Variants in ULK4 observed in about 807,000 individuals in gnomAD.
The protein encoded by ULK4 is unc-51 like kinase 4.
ULK4 carries 133 observed loss-of-function variants against 160.6 expected under a neutral mutation model. The observed-to-expected ratio is 0.83, with a 90% CI of 0.72 to 0.96. The LOEUF (loss-of-function observed/expected upper bound fraction) is 0.96. ULK4 is among the 40% of genes least tolerant of loss of function. ULK4 has a pLI of 0.00. For missense variants in ULK4, 1,580 were observed against 1,499.5 expected (o/e 1.05, Z -0.89); for synonymous variants, 534 against 539.8 (o/e 0.99, Z 0.15).
At chr3:41,443,529 C>A (rs2083220647) in intron 34 of ULK4, among the ~76,000 whole-genome samples, 1 of 152,132 alleles carries the variant, frequency 6.6e-6, no homozygotes, top group Non-Finnish European at 1.5e-5. Context: ...ATAGTGATTT[C>A]TTGACTGAAG....
intron 35 of ULK4, among the ~76,000 whole-genome samples, chr3:41,334,083 G>A (rs6790489): frequency 0.079 from 12,057 of 151,962 alleles, 1,227 homozygotes; most frequent in African/African-American, 0.23. Flanking sequence ...CACACACACC[G>A]GCAAAACTGA....
intron 35 of ULK4, among the ~76,000 whole-genome samples, chr3:41,255,045 TAA>T (rs67668708): frequency 0.15 from 22,892 of 151,212 alleles, 3,006 homozygotes; most frequent in African/African-American, 0.35. Context: ...ATGCTCCAAG[TAA>T]AAGATTTCAA....
chr3:41,919,852 G>C, intron 5 of ULK4, 34 bp from the exon 6 acceptor site: 1 of 1,504,062 alleles, frequency 6.6e-7, no homozygotes, highest in Non-Finnish European at 9.2e-7. Flanking sequence ...GCTCGGTTAG[G>C]CATTTGTATT....
intron 30 of ULK4, among the ~76,000 whole-genome samples, chr3:41,652,914 T>C (rs750877359): frequency 2.6e-5 from 4 of 152,218 alleles, no homozygotes; most frequent in Non-Finnish European, 5.9e-5. Flanking sequence ...TCACATTGAT[T>C]GTGGGGCTTA....
At chr3:41,430,708 C>CT (rs1272480844) in intron 34 of ULK4, among the ~76,000 whole-genome samples, 3 of 152,122 alleles carry the variant, frequency 2.0e-5, no homozygotes, top group South Asian at 4.1e-4. Context: ...CTCTGGGAGC[C>CT]ATAGGCAGGA....
chr3:41,380,813 TGG>T (rs1423436488), intron 35 of ULK4, among the ~76,000 whole-genome samples: 6 of 152,186 alleles, frequency 3.9e-5, no homozygotes, highest in Non-Finnish European at 8.8e-5. Context: ...CTGTGCCCTT[TGG>T]ACAGAGTCAC....
At chr3:41,381,047 T>G (rs2081639486) in intron 35 of ULK4, among the ~76,000 whole-genome samples, 1 of 152,118 alleles carries the variant, frequency 6.6e-6, no homozygotes, top group Non-Finnish European at 1.5e-5. Flanking sequence ...GCTTTAAATC[T>G]TATGTCACCA....
chr3:41,810,617 C>A (rs2125619580), intron 19 of ULK4, among the ~76,000 whole-genome samples: 1 of 152,254 alleles, frequency 6.6e-6, no homozygotes, highest in South Asian at 2.1e-4. Flanking sequence ...GAGTTCAAGA[C>A]AAGCCCGGGC....
chr3:41,863,365 G>A (rs918328812), intron 17 of ULK4, among the ~76,000 whole-genome samples: 1 of 152,186 alleles, frequency 6.6e-6, no homozygotes, highest in African/African-American at 2.4e-5. Context: ...CTCTGGCCCA[G>A]GAGGTCCAGA....
At chr3:41,749,870 G>C (rs1305378468) in intron 22 of ULK4, among the ~76,000 whole-genome samples, 1 of 152,126 alleles carries the variant, frequency 6.6e-6, no homozygotes, top group African/African-American at 2.4e-5. Flanking sequence ...TGCTTCTCAA[G>C]GCATGAGAAG....
At chr3:41,453,292 C>CA (rs2083464279) in intron 34 of ULK4, among the ~76,000 whole-genome samples, 1 of 152,182 alleles carries the variant, frequency 6.6e-6, no homozygotes, top group African/African-American at 2.4e-5. Flanking sequence ...CCTCAAGCCT[C>CA]AGCCTCCCAA....
chr3:41,592,390 G>A (rs1207050466), intron 31 of ULK4, among the ~76,000 whole-genome samples: 1 of 152,140 alleles, frequency 6.6e-6, no homozygotes, highest in South Asian at 2.1e-4. Flanking sequence ...GGCTGCCTAA[G>A]GTACTGGGAA....
chr3:41,780,776 A>C (rs2039813935), intron 21 of ULK4, among the ~76,000 whole-genome samples: 1 of 152,230 alleles, frequency 6.6e-6, no homozygotes, highest in South Asian at 2.1e-4. Flanking sequence ...CCAAGTATTT[A>C]TCACTCTCCA....
chr3:41,261,012 C>G (rs923786433), intron 35 of ULK4, among the ~76,000 whole-genome samples: 4 of 152,160 alleles, frequency 2.6e-5, no homozygotes, highest in African/African-American at 9.7e-5. Flanking sequence ...AAGAAAACAG[C>G]AGATGACCTC....
rs771175184 is a variant in ULK4 at position 41,279,255 on chromosome 3, T to TAAA, written c.3679-29684_3679-29682dup. ...AAGAAAAGATTAGAGAAAAAAAGAG[T>TAAA]AAAAAAAAAAAAAAAAAAAACAAAA... On this transcript the variant is annotated intron_variant, in intron 35 of 36. Coordinates refer to ENST00000301831, the MANE Select transcript of ULK4 (RefSeq NM_017886.4). Among the ~76,000 whole-genome samples the TAAA allele has an allele frequency of 8.3e-3, 356 of 42,836 alleles. 3 individuals carry two copies. The highest frequency in any genetic ancestry group is 0.038 in the African/African-American group (299 of 7,912). 28.1% of individuals were successfully genotyped at this position (42,836 alleles called of 152,430 possible).
intron 35 of ULK4, among the ~76,000 whole-genome samples, chr3:41,283,070 G>C (rs1035999855): frequency 1.3e-5 from 2 of 151,550 alleles, no homozygotes; most frequent in African/African-American, 2.4e-5. Flanking sequence ...GGTCATCAGA[G>C]AAATGCAAAT....
chr3:41,480,713 A>G (rs979455305), intron 32 of ULK4, among the ~76,000 whole-genome samples: 1 of 152,150 alleles, frequency 6.6e-6, no homozygotes, highest in Non-Finnish European at 1.5e-5. Flanking sequence ...AAGACTGGGT[A>G]ATTTATAAAG....
chr3:41,429,443 T>C (rs917719085), intron 34 of ULK4, among the ~76,000 whole-genome samples: 1 of 152,202 alleles, frequency 6.6e-6, no homozygotes, highest in African/African-American at 2.4e-5. Context: ...CAAAGATACA[T>C]GCACATGTGT....
intron 34 of ULK4, among the ~76,000 whole-genome samples, chr3:41,442,454 T>A (rs1035564802): frequency 2.6e-5 from 4 of 152,132 alleles, no homozygotes; most frequent in African/African-American, 9.7e-5. Context: ...TCCTATATTA[T>A]ACAGAAGTAG....
Sources: allele counts gnomAD v4.1 joint callset (sites outside exome capture counted in the v4.1 genomes callset), GRCh38; gene constraint gnomAD v4.1.1; transcripts MANE v1.5; gene names NCBI Gene and HGNC (gene_info 2026-07-23, HGNC 2026-07-21).